TTC27: variants seen among roughly 807,000 people sequenced by gnomAD.
TTC27 encodes tetratricopeptide repeat domain 27.
A neutral mutation model predicts 115.9 loss-of-function variants in TTC27; 79 were observed. The ratio of observed to expected loss-of-function variants is 0.68; its 90% CI spans 0.57 to 0.82. The LOEUF (loss-of-function observed/expected upper bound fraction) is 0.82. Among genes scored for constraint, TTC27 ranks in the 40% least tolerant of loss-of-function variants. The pLI is 0.00. For synonymous variants in TTC27, 401 were observed against 356.0 expected (o/e 1.13, Z -1.42); for missense variants, 1,054 against 993.1 (o/e 1.06, Z -0.82).
At chr2:32,719,254 G>A (rs979447759) in intron 10 of TTC27, among the ~76,000 whole-genome samples, 2 of 152,164 alleles carry the variant, frequency 1.3e-5, no homozygotes, top group African/African-American at 2.4e-5. Flanking sequence ...CTTAGATGGT[G>A]CACTCAGGGA....
intron 16 of TTC27, among the ~76,000 whole-genome samples, chr2:32,807,539 A>G (rs1387486799): frequency 6.6e-6 from 1 of 152,204 alleles, no homozygotes. Flanking sequence ...TCATCCTAAT[A>G]TATCTATTTT....
chr2:32,782,606 T>A lies in TTC27; in HGVS notation c.1780-20T>A. 1 of 1,608,814 alleles carries A rather than the reference T, an allele frequency of 6.2e-7. No individual in the cohort carries two copies. The highest frequency in any genetic ancestry group is 1.1e-5 in the South Asian group (1 of 90,452). On this transcript the variant is annotated intron_variant, in intron 14 of 19. Transcript: ENST00000317907. ...ACCTAAATGAGAAGAGTTAATTAACTGTGTTCTCTATCATTTCAGAATGCT... is the reference window on the plus strand; with the variant it reads ...ACCTAAATGAGAAGAGTTAATTAACAGTGTTCTCTATCATTTCAGAATGCT...
Position 32,647,819 on chromosome 2 carries a change from A to G in TTC27, c.538-2312A>G, listed in dbSNP as rs574939832. On this transcript the variant is annotated intron_variant, in intron 4 of 19. Coordinates refer to ENST00000317907, the MANE Select transcript of TTC27 (RefSeq NM_017735.5). ...CTCCTGTAAATAGCCACTGCACTCC[A>G]ACCTGGACAGTGTACTGAGACCCCA... Among the ~76,000 whole-genome samples the G allele has an allele frequency of 3.3e-5, 5 of 151,908 alleles. No individual in the cohort carries two copies. The East Asian group carries it at 7.7e-4, about 23-fold the overall frequency.
intron 13 of TTC27, among the ~76,000 whole-genome samples, chr2:32,766,201 G>A (rs763042310): frequency 1.3e-5 from 2 of 152,064 alleles, no homozygotes; most frequent in African/African-American, 2.4e-5. Context: ...ACATATTTAT[G>A]GAGTACAATT....
intron 9 of TTC27, among the ~76,000 whole-genome samples, chr2:32,700,565 T>C (rs1347770019): frequency 1.3e-5 from 2 of 152,160 alleles, no homozygotes; most frequent in Non-Finnish European, 1.5e-5. Context: ...TTGACATAGT[T>C]TTGCGCTTGT....
intron 4 of TTC27, among the ~76,000 whole-genome samples, chr2:32,647,271 C>A (rs565805913): frequency 6.6e-6 from 1 of 152,106 alleles, no homozygotes; most frequent in Non-Finnish European, 1.5e-5. Context: ...AAAGTGAAAT[C>A]TTTTTGACTG....
intron 10 of TTC27, among the ~76,000 whole-genome samples, chr2:32,718,448 T>C (rs1253551790): frequency 6.6e-6 from 1 of 152,242 alleles, no homozygotes; most frequent in African/African-American, 2.4e-5. Context: ...CTGATTGTCC[T>C]TTTTCTTAAT....
intron 13 of TTC27, among the ~76,000 whole-genome samples, chr2:32,774,183 C>CTTTTTTTT (rs35405720): frequency 7.2e-6 from 1 of 139,808 alleles, no homozygotes. Context: ...CTTCCTTTTA[C>CTTTTTTTT]TTTTTTTTTT....
chr2:32,803,394 G>A (rs1286658411), intron 16 of TTC27, among the ~76,000 whole-genome samples: 1 of 152,172 alleles, frequency 6.6e-6, no homozygotes, highest in Non-Finnish European at 1.5e-5. Flanking sequence ...CCATGCTGAT[G>A]GTAAATGTCA....
intron 5 of TTC27, 55 bp from the exon 6 acceptor site, chr2:32,664,248 T>G (rs1665674675): frequency 6.8e-7 from 1 of 1,468,598 alleles, no homozygotes; most frequent in Non-Finnish European, 9.3e-7. Context: ...ATTTTACACA[T>G]TAATATATTT....
chr2:32,781,543 T>C (rs905557176), intron 14 of TTC27, among the ~76,000 whole-genome samples: 3 of 152,166 alleles, frequency 2.0e-5, no homozygotes, highest in South Asian at 2.1e-4. Context: ...GTTAAATTAT[T>C]CCTAAATCAG....
In TTC27 at chr2:32,736,918, A is replaced by G. The variant is rs113007259; in HGVS notation, c.1452+102A>G. 5.1e-4 allele frequency: 716 copies of G among 1,407,376 alleles called. 1 individual carries two copies. The African/African-American group carries it at 9.3e-3, about 18-fold the overall frequency. 87.2% of individuals were successfully genotyped at this position (1,407,376 alleles called of 1,614,324 possible). A position where few individuals can be genotyped will look rare whatever the true frequency, so the allele number is the denominator to read the frequency against. ...AACCCACTTTTGCCAATATTCACTTATATTCCTTTTTTCACTTTTTTTCCA... is the reference window on the plus strand; with the variant it reads ...AACCCACTTTTGCCAATATTCACTTGTATTCCTTTTTTCACTTTTTTTCCA... On this transcript the variant is annotated intron_variant, in intron 12 of 19. Coordinates refer to ENST00000317907, the MANE Select transcript of TTC27 (RefSeq NM_017735.5).
intron 15 of TTC27, among the ~76,000 whole-genome samples, chr2:32,786,738 T>C (rs1250879884): frequency 1.3e-5 from 2 of 152,304 alleles, no homozygotes; most frequent in African/African-American, 2.4e-5. Flanking sequence ...ATAATGTCCT[T>C]GTTACCAGTA....
At chr2:32,802,728 C>T (rs1670996129) in intron 16 of TTC27, among the ~76,000 whole-genome samples, 2 of 152,156 alleles carry the variant, frequency 1.3e-5, no homozygotes, top group African/African-American at 2.4e-5. Context: ...CAGACTCATC[C>T]TCATCTTCCC....
intron 14 of TTC27, among the ~76,000 whole-genome samples, chr2:32,778,551 T>C (rs1403565985): frequency 6.6e-6 from 1 of 152,228 alleles, no homozygotes; most frequent in African/African-American, 2.4e-5. Flanking sequence ...ATTTTGTCTC[T>C]ATAGATTCAC....
intron 9 of TTC27, among the ~76,000 whole-genome samples, 173 bp downstream of exon 9, chr2:32,679,095 G>C (rs78827451): frequency 0.024 from 3,687 of 152,280 alleles, 68 homozygotes; most frequent in Middle Eastern, 0.037. Context: ...GCTGATTTAA[G>C]AGTCTGCAAC....
At position 32,633,994 on chromosome 2, in the gene TTC27, C is replaced by CA; in HGVS notation, c.387dup (p.Phe130IlefsTer3). ...CTTTTTGTCATCTGTTTTGTTCCAG[C>CA]AATTCAGTGAGGTATGCTTCTTGAA... On this transcript the variant is annotated frameshift_variant, in exon 3 of 20. Coordinates refer to ENST00000317907, the MANE Select transcript of TTC27 (RefSeq NM_017735.5). LOFTEE classifies it high-confidence loss of function. The CA allele has an allele frequency of 6.2e-7, 1 of 1,612,982 alleles. No homozygotes were observed. Among genetic ancestry groups the CA allele is most frequent in the African/African-American group, 1.3e-5 (1 of 75,010 alleles).
chr2:32,743,447 G>A (rs1309140927), intron 12 of TTC27, among the ~76,000 whole-genome samples: 2 of 152,114 alleles, frequency 1.3e-5, no homozygotes, highest in Admixed American at 1.3e-4. Context: ...GTGGTGCTTA[G>A]GGTAGGATCT....
chr2:32,730,621 A>ATTTTTT (rs10712292), intron 10 of TTC27, among the ~76,000 whole-genome samples: 3 of 137,832 alleles, frequency 2.2e-5, no homozygotes, highest in Non-Finnish European at 4.6e-5. Flanking sequence ...AGACTTTCTT[A>ATTTTTT]TTTTTTTTTT....
Sources: allele counts gnomAD v4.1 joint callset (sites outside exome capture counted in the v4.1 genomes callset), GRCh38; gene constraint gnomAD v4.1.1; transcripts MANE v1.5; gene names NCBI Gene and HGNC (gene_info 2026-07-23, HGNC 2026-07-21).